NMNAT1: variants seen among roughly 807,000 people sequenced by gnomAD.
The protein encoded by NMNAT1 is nicotinamide nucleotide adenylyltransferase 1.
NMNAT1 carries 11 observed loss-of-function variants against 16.7 expected under a neutral mutation model. That is an observed-to-expected ratio of 0.66 (90% CI 0.41 to 1.09). NMNAT1 has a LOEUF of 1.09. NMNAT1 is among the 50% of genes least tolerant of loss of function. NMNAT1 has a pLI of 0.00. For synonymous variants in NMNAT1, 110 were observed against 119.8 expected (o/e 0.92, Z 0.53); for missense variants, 280 against 332.3 (o/e 0.84, Z 1.22).
rs181805869 is a variant in NMNAT1, at chr1:9,961,117, A to G, written c.-56-10901A>G. On this transcript the variant is annotated intron_variant, in intron 1 of 4. Transcript: ENST00000377205. Reference sequence around the variant, plus strand: ...ATATTTGAGACAAGTTATAGATGTAACAAGGGAGAAAGACAGCTTCCTTTA... The same window carrying G: ...ATATTTGAGACAAGTTATAGATGTAGCAAGGGAGAAAGACAGCTTCCTTTA... 8.2e-4 allele frequency among the ~76,000 whole-genome samples: 125 copies of G among 152,256 alleles called. 1 individual carries two copies. The highest frequency in any genetic ancestry group is 3.0e-3 in the African/African-American group (123 of 41,576).
At chr1:9,961,092 A>T (rs1641395465) in intron 1 of NMNAT1, among the ~76,000 whole-genome samples, 1 of 152,110 alleles carries the variant, frequency 6.6e-6, no homozygotes, top group African/African-American at 2.4e-5. Flanking sequence ...TGTGAGCTGG[A>T]TATTTGAGAC....
chr1:9,965,109 G>T (rs1641511850), intron 1 of NMNAT1, among the ~76,000 whole-genome samples: 1 of 151,798 alleles, frequency 6.6e-6, no homozygotes, highest in Non-Finnish European at 1.5e-5. Context: ...ACCAGGTCAA[G>T]AGATCAAGAC....
chr1:9,978,351 G>A (rs137887499), intron 3 of NMNAT1, among the ~76,000 whole-genome samples: 2,678 of 152,154 alleles, frequency 0.018, 33 homozygotes, highest in Non-Finnish European at 0.027. Context: ...GTGAGACTCC[G>A]TCTCAAAAAA....
At chr1:9,964,048 C>T (rs542261842) in intron 1 of NMNAT1, among the ~76,000 whole-genome samples, 180 of 151,904 alleles carry the variant, frequency 1.2e-3, no homozygotes, top group African/African-American at 4.2e-3. Flanking sequence ...CCAGCCACCA[C>T]ACCTGGCTAA....
At chr1:9,993,495 AAAAG>A in the NMNAT1 span, among the ~76,000 whole-genome samples, 1 of 152,116 alleles carries the variant, frequency 6.6e-6, no homozygotes, top group Non-Finnish European at 1.5e-5. Context: ...AAGAAAAGAA[AAAAG>A]AAAGACAGGA....
intron 1 of NMNAT1, among the ~76,000 whole-genome samples, chr1:9,953,823 T>G (rs1641179551): frequency 1.4e-5 from 1 of 71,556 alleles, no homozygotes; most frequent in African/African-American, 3.7e-5. Context: ...TTTTTTTTTT[T>G]GAGACAGAGT....
At chr1:9,945,238 AC>A (rs201712867) in intron 1 of NMNAT1, among the ~76,000 whole-genome samples, 2,661 of 150,836 alleles carry the variant, frequency 0.018, 32 homozygotes, top group Non-Finnish European at 0.027. Flanking sequence ...TCTTAAAAAA[AC>A]AAAACAAAAC....
At chr1:9,994,494 G>A in the NMNAT1 span, among the ~76,000 whole-genome samples, 4,769 of 150,190 alleles carry the variant, frequency 0.032, 251 homozygotes, top group African/African-American at 0.11. Context: ...GCAATGGCAC[G>A]GTCTTGGCTC....
rs536831061 is a variant in NMNAT1, at chr1:9,979,089, T to C, written c.300-1942T>C. ...AATGGGGTAATAAACAATTCTGATATGAGAGATGAGCAGCACATTAAAACC... is the reference window on the plus strand; with the variant it reads ...AATGGGGTAATAAACAATTCTGATACGAGAGATGAGCAGCACATTAAAACC... On this transcript the variant is annotated intron_variant, in intron 3 of 4. Coordinates refer to ENST00000377205, the MANE Select transcript of NMNAT1 (RefSeq NM_022787.4). 2.5e-3 allele frequency among the ~76,000 whole-genome samples: 379 copies of C among 152,308 alleles called. 1 individual carries two copies. The highest frequency in any genetic ancestry group is 4.1e-3 in the Non-Finnish European group (277 of 68,034).
intron 1 of NMNAT1, among the ~76,000 whole-genome samples, chr1:9,960,320 CTTAATG>C (rs1351036320): frequency 4.6e-5 from 7 of 151,904 alleles, no homozygotes; most frequent in African/African-American, 1.7e-4. Context: ...AAAACCCTGG[CTTAATG>C]TTATGTTAAT....
At chr1:9,945,013 C>G (rs1425449815) in intron 1 of NMNAT1, among the ~76,000 whole-genome samples, 1 of 152,156 alleles carries the variant, frequency 6.6e-6, no homozygotes. Flanking sequence ...GCGGGCAGAT[C>G]ACTTAAGGTC....
chr1:9,992,546 C>A, the NMNAT1 span, among the ~76,000 whole-genome samples: 1 of 152,090 alleles, frequency 6.6e-6, no homozygotes, highest in South Asian at 2.1e-4. Flanking sequence ...TTGTTCCAAT[C>A]CTAAGAGGAT....
At chr1:9,981,427 G>A (rs1340978661) in intron 4 of NMNAT1, 5 of 357,870 alleles carry the variant, frequency 1.4e-5, no homozygotes, top group Non-Finnish European at 2.5e-5. Context: ...AGTAGAGACG[G>A]GGTTGCACCA....
At chr1:9,951,376 G>A (rs1383735368) in intron 1 of NMNAT1, 1 of 152,174 alleles carries the variant, frequency 6.6e-6, no homozygotes, top group Non-Finnish European at 1.5e-5. Context: ...TTTGCCACAA[G>A]GATTTAAATG....
chr1:9,952,739 A>G (rs1328220355), intron 1 of NMNAT1, among the ~76,000 whole-genome samples: 3 of 151,982 alleles, frequency 2.0e-5, no homozygotes, highest in Non-Finnish European at 4.4e-5. Flanking sequence ...GGGTTTCACC[A>G]TGTTGGCCAG....
At chr1:9,972,913 A>G (rs755378992) in intron 2 of NMNAT1, among the ~76,000 whole-genome samples, 14 of 152,070 alleles carry the variant, frequency 9.2e-5, no homozygotes, top group Non-Finnish European at 1.8e-4. Context: ...GTGAGCCATG[A>G]TTGCACCTTT....
chr1:9,953,713 T>C (rs1007664189), intron 1 of NMNAT1, among the ~76,000 whole-genome samples: 18 of 151,674 alleles, frequency 1.2e-4, no homozygotes, highest in Non-Finnish European at 7.4e-5. Flanking sequence ...AGTGCTGGGA[T>C]TGCAGGCATG....
intron 1 of NMNAT1, among the ~76,000 whole-genome samples, chr1:9,965,993 A>C (rs1181225127): frequency 6.6e-6 from 1 of 151,890 alleles, no homozygotes; most frequent in Non-Finnish European, 1.5e-5. Context: ...TTCTCAAAAA[A>C]AAAAATTTTA....
intron 1 of NMNAT1, among the ~76,000 whole-genome samples, chr1:9,966,913 C>G (rs559658661): frequency 2.0e-5 from 3 of 152,036 alleles, no homozygotes; most frequent in Non-Finnish European, 4.4e-5. Flanking sequence ...CCTTTATAAT[C>G]TTAAAAGAAT....
Sources: allele counts gnomAD v4.1 joint callset (sites outside exome capture counted in the v4.1 genomes callset), GRCh38; gene constraint gnomAD v4.1.1; transcripts MANE v1.5; gene names NCBI Gene and HGNC (gene_info 2026-07-23, HGNC 2026-07-21).